CTNNA3: variants seen among roughly 807,000 people sequenced by gnomAD.
The protein encoded by CTNNA3 is catenin alpha 3.
Under a neutral mutation model 95.7 loss-of-function variants are expected in CTNNA3, and 76 were observed. The observed-to-expected ratio is 0.79, with a 90% CI of 0.66 to 0.96. The LOEUF is 0.96. Among genes scored for constraint, CTNNA3 ranks in the 40% least tolerant of loss-of-function variants. The pLI is 0.00. For missense variants in CTNNA3, 1,191 were observed against 1,089.8 expected (o/e 1.09, Z -1.31); for synonymous variants, 431 against 374.4 (o/e 1.15, Z -1.74).
intron 9 of CTNNA3, among the ~76,000 whole-genome samples, chr10:66,651,653 C>CCTGCCT (rs569047116): frequency 0.24 from 36,412 of 151,600 alleles, 5,603 homozygotes; most frequent in East Asian, 0.52. Context: ...GCGCAGTGCC[C>CCTGCCT]GCCGGCCGGC....
intron 11 of CTNNA3, among the ~76,000 whole-genome samples, chr10:66,473,796 G>A (rs929299616): frequency 2.0e-5 from 3 of 151,968 alleles, no homozygotes; most frequent in African/African-American, 7.3e-5. Context: ...ATAGTTTGCT[G>A]AGAATGATGG....
upstream of CTNNA3, among the ~76,000 whole-genome samples, chr10:67,700,813 C>T (rs1014266389): frequency 3.3e-5 from 5 of 151,778 alleles, no homozygotes; most frequent in Admixed American, 6.6e-5. Flanking sequence ...AGGCTTCAGA[C>T]GATCAAACTA....
At chr10:67,540,519 C>T (rs1043958011) in intron 3 of CTNNA3, among the ~76,000 whole-genome samples, 1 of 151,892 alleles carries the variant, frequency 6.6e-6, no homozygotes, top group Non-Finnish European at 1.5e-5. Flanking sequence ...CTATTCAGCT[C>T]TTGCATATCT....
intron 10 of CTNNA3, among the ~76,000 whole-genome samples, chr10:66,603,844 A>T (rs1037848628): frequency 6.6e-6 from 1 of 152,188 alleles, no homozygotes; most frequent in Non-Finnish European, 1.5e-5. Context: ...CAGTCTCTTT[A>T]ATAAATGGTG....
At chr10:67,672,058 G>A (rs1170106596) in intron 1 of CTNNA3, among the ~76,000 whole-genome samples, 1 of 152,172 alleles carries the variant, frequency 6.6e-6, no homozygotes, top group Non-Finnish European at 1.5e-5. Context: ...CATTCTAACT[G>A]GTGTGAGATG....
intron 5 of CTNNA3, among the ~76,000 whole-genome samples, chr10:67,456,800 G>A (rs1429181105): frequency 6.6e-6 from 1 of 152,044 alleles, no homozygotes; most frequent in Admixed American, 6.6e-5. Flanking sequence ...ATGGCTAAAT[G>A]CAGTCTAGTT....
intron 16 of CTNNA3, among the ~76,000 whole-genome samples, chr10:65,981,657 C>T (rs759166474): frequency 4.6e-5 from 7 of 151,938 alleles, no homozygotes; most frequent in Admixed American, 1.3e-4. Context: ...GGCACACAGA[C>T]CAATGGAACA....
intron 17 of CTNNA3, among the ~76,000 whole-genome samples, chr10:65,935,883 G>A (rs572598198): frequency 6.6e-6 from 1 of 152,236 alleles, no homozygotes; most frequent in Admixed American, 6.5e-5. Context: ...ATATGACCAA[G>A]CTATAGGGCA....
At chr10:66,711,674 G>A (rs1340698373) in intron 9 of CTNNA3, among the ~76,000 whole-genome samples, 3 of 151,904 alleles carry the variant, frequency 2.0e-5, no homozygotes, top group East Asian at 3.9e-4. Flanking sequence ...TCAGCCTCCT[G>A]AGTAGCTGGG....
chr10:66,311,659 A>G (rs2132261034), intron 12 of CTNNA3, among the ~76,000 whole-genome samples: 2 of 152,366 alleles, frequency 1.3e-5, no homozygotes, highest in Middle Eastern at 6.8e-3. Flanking sequence ...ACAGCAATAC[A>G]TTAGGCACAC....
intron 7 of CTNNA3, among the ~76,000 whole-genome samples, chr10:67,011,164 C>A (rs1329327456): frequency 1.3e-5 from 2 of 151,856 alleles, no homozygotes; most frequent in Admixed American, 6.6e-5. Context: ...CCCGTCTCTA[C>A]TAAAAATACA....
At chr10:66,308,050 C>T (rs1382204231) in intron 12 of CTNNA3, among the ~76,000 whole-genome samples, 1 of 152,130 alleles carries the variant, frequency 6.6e-6, no homozygotes, top group Non-Finnish European at 1.5e-5. Context: ...TTCACTGAAG[C>T]ATCATGTCTA....
intron 13 of CTNNA3, among the ~76,000 whole-genome samples, chr10:66,236,936 GAGGC>G (rs1177173467): frequency 2.3e-4 from 35 of 150,512 alleles, no homozygotes; most frequent in African/African-American, 8.3e-4. Flanking sequence ...GCAATGTAGT[GAGGC>G]CATGTCTCCA....
At chr10:66,508,717 A>T (rs1020864887) in intron 11 of CTNNA3, among the ~76,000 whole-genome samples, 5 of 152,108 alleles carry the variant, frequency 3.3e-5, no homozygotes, top group Non-Finnish European at 7.4e-5. Context: ...GACAGGATTT[A>T]ATTATCCTTT....
intron 5 of CTNNA3, among the ~76,000 whole-genome samples, chr10:67,233,267 C>G (rs1245864412): frequency 6.6e-6 from 1 of 151,778 alleles, no homozygotes; most frequent in Non-Finnish European, 1.5e-5. Context: ...GGAAGTAAAG[C>G]TCTCCTCAGC....
intron 13 of CTNNA3, among the ~76,000 whole-genome samples, chr10:66,246,714 A>ATCATGTCACTGAATTCAATAC: frequency 6.6e-6 from 1 of 152,030 alleles, no homozygotes; most frequent in Middle Eastern, 3.4e-3. Flanking sequence ...ATACTGAACA[A>ATCATGTCACTGAATTCAATAC]TGCATCATAG....
chr10:66,129,498 C>T (rs934101219), intron 13 of CTNNA3, among the ~76,000 whole-genome samples: 5 of 152,136 alleles, frequency 3.3e-5, no homozygotes, highest in Non-Finnish European at 5.9e-5. Context: ...CACCCATCAC[C>T]TTAAGCTCGA....
At chr10:67,337,339 G>A (rs1193033243) in intron 5 of CTNNA3, among the ~76,000 whole-genome samples, 1 of 152,172 alleles carries the variant, frequency 6.6e-6, no homozygotes, top group African/African-American at 2.4e-5. Flanking sequence ...AATTAGAAGT[G>A]AAGCCTGAAG....
At position 66,069,461 on chromosome 10, in the gene CTNNA3, T is replaced by A. The variant is rs377166040; in HGVS notation, c.2006A>T (p.Glu669Val). The change falls in exon 15 of 18, where the codon GAA (glutamate) becomes GTA (valine). Residue 669 changes from glutamate (E) to valine (V), a missense_variant. Physicochemically the swap from Glu to Val is moderately radical, Grantham distance 121 (BLOSUM62 -2). Coordinates refer to ENST00000433211, the MANE Select transcript of CTNNA3 (RefSeq NM_013266.4). ...RAKMTQLPEA[E>V]KEKIAEQVAD... ...AACTTGCTCAGCAATCTTTTCTTTT[T>A]CTGCCTCAGGCAGTTGAGTCATCTT... 40 of 1,613,038 alleles carry A rather than the reference T, an allele frequency of 2.5e-5. No homozygotes were observed. In the African/African-American group the frequency reaches 4.8e-4, roughly 19 times the overall value.
Sources: allele counts gnomAD v4.1 joint callset (sites outside exome capture counted in the v4.1 genomes callset), GRCh38; gene constraint gnomAD v4.1.1; transcripts MANE v1.5; gene names NCBI Gene and HGNC (gene_info 2026-07-23, HGNC 2026-07-21).